The following ZNF532 variants were observed in gnomAD, a reference collection of about 807,000 sequenced individuals.
ZNF532 encodes the protein zinc finger protein 532.
ZNF532 carries 22 observed loss-of-function variants against 89.3 expected under a neutral mutation model. The ratio of observed to expected loss-of-function variants is 0.25; its 90% CI spans 0.18 to 0.35. The LOEUF (loss-of-function observed/expected upper bound fraction) is 0.35, where lower values mean the gene tolerates loss of function less well. Among genes scored for constraint, ZNF532 ranks in the 10% least tolerant of loss-of-function variants. The pLI is 1.00. For missense variants in ZNF532, 1,132 were observed against 1,643.4 expected, an observed-to-expected ratio of 0.69 and a Z score of 5.38; for synonymous variants, 606 against 649.6, an observed-to-expected ratio of 0.93 and a Z score of 1.02.
intron 2 of ZNF532, among the ~76,000 whole-genome samples, chr18:58,917,792 A>G (rs1394149545): frequency 6.6e-6 from 1 of 152,130 alleles, no homozygotes; most frequent in Admixed American, 6.5e-5. Context: ...CTGTGGATGA[A>G]TATTGAAATC....
chr18:58,983,837 C>T lies in ZNF532; in HGVS notation c.3412-135C>T. 2 of 1,109,184 alleles carry T rather than the reference C, an allele frequency of 1.8e-6. 1 individual carries two copies. Among genetic ancestry groups the T allele is most frequent in the East Asian group, 4.9e-5 (2 of 41,132 alleles). The allele number at this position is 1,109,184 out of a possible 1,614,324, so 68.7% of individuals were successfully genotyped here. A position where few individuals can be genotyped will look rare whatever the true frequency, so the allele number is the denominator to read the frequency against. On this transcript the variant is annotated intron_variant, in intron 9 of 9. Transcript: ENST00000591808. ...GGGCCTCCGGGTGGGGTGGCAGACACAGCTTTAAAGCCCCTAAATCCCAAA... is the reference window on the plus strand; with the variant it reads ...GGGCCTCCGGGTGGGGTGGCAGACATAGCTTTAAAGCCCCTAAATCCCAAA...
intron 2 of ZNF532, among the ~76,000 whole-genome samples, chr18:58,871,110 A>G (rs1190393453): frequency 6.6e-6 from 1 of 152,180 alleles, no homozygotes; most frequent in Admixed American, 6.5e-5. Flanking sequence ...GTGGCTGAAG[A>G]ACTTAGAACC....
intron 2 of ZNF532, among the ~76,000 whole-genome samples, chr18:58,883,664 A>C (rs2058080188): frequency 6.6e-6 from 1 of 152,172 alleles, no homozygotes; most frequent in African/African-American, 2.4e-5. Flanking sequence ...TAACCTCAGC[A>C]CCGTTAGCAT....
At chr18:58,885,039 A>T (rs1216778999) in intron 2 of ZNF532, among the ~76,000 whole-genome samples, 1 of 142,778 alleles carries the variant, frequency 7.0e-6, no homozygotes, top group Non-Finnish European at 1.5e-5. Flanking sequence ...CCTAGGTTAG[A>T]GTTCAGTGGC....
At chr18:58,944,101 C>T (rs997894359) in intron 5 of ZNF532, among the ~76,000 whole-genome samples, 1 of 152,176 alleles carries the variant, frequency 6.6e-6, no homozygotes, top group Non-Finnish European at 1.5e-5. Context: ...GCAGTGTCAT[C>T]TACCTCACTG....
At chr18:58,934,011 A>G (rs2062166272) in intron 3 of ZNF532, among the ~76,000 whole-genome samples, 1 of 152,172 alleles carries the variant, frequency 6.6e-6, no homozygotes, top group Non-Finnish European at 1.5e-5. Context: ...CTTCTAATTA[A>G]TTTTTATTAT....
intron 7 of ZNF532, among the ~76,000 whole-genome samples, chr18:58,968,656 T>C (rs2066163640): frequency 6.6e-6 from 1 of 152,074 alleles, no homozygotes; most frequent in Non-Finnish European, 1.5e-5. Flanking sequence ...CTTGGGGTGG[T>C]GGGAGTGGGA....
In ZNF532 at chr18:58,984,159, G is replaced by A. The variant is rs778383600; in HGVS notation, c.3599G>A (p.Gly1200Asp). 2 of 1,611,822 alleles carry A rather than the reference G, an allele frequency of 1.2e-6. No homozygotes were observed. Among genetic ancestry groups the A allele is most frequent in the Admixed American group, 3.3e-5 (2 of 59,982 alleles). ...CACATCCCTCAGCACAAATCGGATG[G>A]TTCTTCCTACCAGTGCCGGGAGTGT... is the stretch of plus-strand genomic sequence containing the variant. ...HEHIPQHKSDGSSYQCRECGL... is the reference protein window; with the variant it reads ...HEHIPQHKSDDSSYQCRECGL... The change falls in exon 10 of 10, where the codon GGT becomes GAT. Residue 1200 changes from glycine to aspartate, a missense_variant. Coordinates refer to ENST00000591808, the MANE Select transcript of ZNF532 (RefSeq NM_001375912.1).
chr18:58,881,498 T>C (rs2057923656), intron 2 of ZNF532, among the ~76,000 whole-genome samples: 1 of 152,220 alleles, frequency 6.6e-6, no homozygotes, highest in African/African-American at 2.4e-5. Context: ...TTGAGGATGC[T>C]GTTTATCATA....
At chr18:58,904,018 G>A (rs2059765477) in intron 2 of ZNF532, among the ~76,000 whole-genome samples, 1 of 152,110 alleles carries the variant, frequency 6.6e-6, no homozygotes, top group Non-Finnish European at 1.5e-5. Context: ...AATAATAGGT[G>A]GCCTTTTTGC....
rs1568248199 is a variant in ZNF532, at chr18:58,888,854, ATT to A, written c.-18+23277_-18+23278del. Among the ~76,000 whole-genome samples the A allele has an allele frequency of 7.5e-4, 31 of 41,302 alleles. 2 individuals carry two copies. The highest frequency in any genetic ancestry group is 3.2e-3 in the East Asian group (4 of 1,242). The allele number at this position is 41,302 out of a possible 152,430, so 27.1% of individuals were successfully genotyped here. Reference sequence around the variant, plus strand: ...TATATATATAATTTATATATATATAATTTATATATATATAATATATATTATAT... The same window carrying A: ...TATATATATAATTTATATATATATAATATATATATATAATATATATTATAT... On this transcript the variant is annotated intron_variant, in intron 2 of 9. Transcript: ENST00000591808.
chr18:58,912,067 G>C (rs1396531811), intron 2 of ZNF532, among the ~76,000 whole-genome samples: 1 of 152,096 alleles, frequency 6.6e-6, no homozygotes, highest in Non-Finnish European at 1.5e-5. Flanking sequence ...CTTGAGGGAG[G>C]AGTGTGGAAT....
chr18:58,981,338 C>A lies in ZNF532; in HGVS notation c.3264-132C>A, dbSNP rs1203822969. 6 of 1,197,064 alleles carry A rather than the reference C, an allele frequency of 5.0e-6. No homozygotes were observed. The East Asian group carries it at 1.2e-4, about 24-fold the overall frequency. 74.2% of individuals were successfully genotyped at this position (1,197,064 alleles called of 1,614,324 possible). A position where few individuals can be genotyped will look rare whatever the true frequency, so the allele number is the denominator to read the frequency against. ...GCAAAATTGCTGATTGCGTGTTGAA[C>A]CATGGTGTGAACTCAGCTTATTGGA... On this transcript the variant is annotated intron_variant, in intron 8 of 9. Coordinates refer to ENST00000591808, the MANE Select transcript of ZNF532 (RefSeq NM_001375912.1).
intron 5 of ZNF532, among the ~76,000 whole-genome samples, chr18:58,942,075 T>C (rs184563095): frequency 0.035 from 5,031 of 144,764 alleles, 124 homozygotes; most frequent in Non-Finnish European, 0.057. Context: ...CAGGCTGGAG[T>C]GCAGTGGCAC....
chr18:58,985,201 T>A lies in ZNF532; in HGVS notation c.*735T>A, dbSNP rs2068275286. 1 of 152,048 alleles carries A rather than the reference T, an allele frequency of 6.6e-6. No individual in the cohort carries two copies. Among genetic ancestry groups the A allele is most frequent in the African/African-American group, 2.4e-5 (1 of 41,370 alleles). The allele number at this position is 152,048 out of a possible 1,614,324, so 9.4% of individuals were successfully genotyped here. On this transcript the variant is annotated 3_prime_UTR_variant, in exon 10 of 10. Coordinates refer to ENST00000591808, the MANE Select transcript of ZNF532 (RefSeq NM_001375912.1). ...GGGAAGGCTATTCTAAAGAAAAAAA[T>A]GGGATTTGTTTTCTCGGCAGATCTG...
Position 58,919,165 on chromosome 18 carries a change from A to G in ZNF532, c.878A>G (p.Asn293Ser). The change falls in exon 3 of 10, where the codon AAT becomes AGT. Residue 293 changes from asparagine to serine, a missense_variant. Around this residue, in one of 9 missense-constraint regions of ZNF532, gnomAD observed 124 missense variants for 191.6 expected, o/e 0.65. Coordinates refer to ENST00000591808, the MANE Select transcript of ZNF532 (RefSeq NM_001375912.1). The surrounding 1 kb of genome is among the most constrained non-coding windows in gnomAD (Gnocchi z 6.1). ...GACTCCTGCAAAGAACCAGTGGCCAATTCGAGGGAATCCTCCCCGTTACCA... is the reference window on the plus strand; with the variant it reads ...GACTCCTGCAAAGAACCAGTGGCCAGTTCGAGGGAATCCTCCCCGTTACCA... ...ASDSCKEPVA[N>S]SRESSPLPKE... The G allele has an allele frequency of 3.7e-6, 6 of 1,614,200 alleles. No homozygotes were observed. Among genetic ancestry groups the G allele is most frequent in the Non-Finnish European group, 3.4e-6 (4 of 1,180,034 alleles).
chr18:58,969,958 C>G (rs1219346694), intron 7 of ZNF532, among the ~76,000 whole-genome samples: 2 of 141,116 alleles, frequency 1.4e-5, no homozygotes, highest in African/African-American at 2.6e-5. Flanking sequence ...GATCTCAGCT[C>G]ACTGCAACCT....
At chr18:58,891,764 G>A (rs1460104514) in intron 2 of ZNF532, among the ~76,000 whole-genome samples, 1 of 152,140 alleles carries the variant, frequency 6.6e-6, no homozygotes, top group African/African-American at 2.4e-5. Context: ...TCCTCGTTTT[G>A]TTGTTGAACG....
chr18:58,883,561 G>A (rs1405621914), intron 2 of ZNF532, among the ~76,000 whole-genome samples: 2 of 152,284 alleles, frequency 1.3e-5, no homozygotes, highest in African/African-American at 2.4e-5. Flanking sequence ...TAAGCAAGCA[G>A]GTTTATTATG....
Sources: gnomAD v4.1 joint callset for allele counts (sites outside exome capture counted in the v4.1 genomes callset) on GRCh38, gnomAD v4.1.1 for gene constraint, gnomAD v4.1.1 regional missense constraint, Gnocchi (gnomAD v3.1) non-coding constraint, MANE v1.5 for transcripts, NCBI Gene and HGNC (gene_info 2026-07-23, HGNC 2026-07-21) for gene names.